Variants in SLC4A4 observed in about 807,000 individuals in gnomAD.
The protein encoded by SLC4A4 is electrogenic sodium bicarbonate cotransporter 1.
A neutral mutation model predicts 111.5 loss-of-function variants in SLC4A4; 27 were observed. The observed-to-expected ratio is 0.24, with a 90% CI of 0.18 to 0.33. SLC4A4 has a LOEUF of 0.33. SLC4A4 is among the 10% of genes least tolerant of loss of function. The pLI is 1.00. For missense variants in SLC4A4, 909 were observed against 1,315.5 expected (o/e 0.69, Z 4.78); for synonymous variants, 443 against 463.4 (o/e 0.96, Z 0.57).
chr4:71,218,137 G>A (rs528451463), intron 1 of SLC4A4, among the ~76,000 whole-genome samples: 2 of 152,356 alleles, frequency 1.3e-5, no homozygotes, highest in African/African-American at 4.8e-5. Flanking sequence ...GAAGGGAGAT[G>A]TCATGATACT....
intron 3 of SLC4A4, among the ~76,000 whole-genome samples, chr4:71,293,175 C>A (rs1019892778): frequency 1.5e-4 from 22 of 151,566 alleles, no homozygotes; most frequent in African/African-American, 4.6e-4. Context: ...CCTGCCAAGG[C>A]AAAATATGAA....
chr4:71,449,680 G>T (rs1483886962), intron 9 of SLC4A4, among the ~76,000 whole-genome samples: 2 of 152,178 alleles, frequency 1.3e-5, no homozygotes, highest in African/African-American at 4.8e-5. Context: ...AAAGACTTAG[G>T]TTATATGTAA....
intron 12 of SLC4A4, among the ~76,000 whole-genome samples, chr4:71,464,285 T>C (rs185740444): frequency 1.8e-4 from 28 of 152,322 alleles, no homozygotes; most frequent in Non-Finnish European, 3.1e-4. Context: ...TGTGAATTTG[T>C]TCATATCACT....
chr4:71,553,646 T>G (rs1368728967), intron 20 of SLC4A4, among the ~76,000 whole-genome samples: 1 of 151,838 alleles, frequency 6.6e-6, no homozygotes, highest in Admixed American at 6.6e-5. Flanking sequence ...GGGAGATGTT[T>G]AAAAAATGAA....
intron 2 of SLC4A4, among the ~76,000 whole-genome samples, chr4:71,254,658 A>G (rs573616217): frequency 4.8e-4 from 73 of 152,210 alleles, no homozygotes; most frequent in African/African-American, 1.6e-3. Flanking sequence ...AGGTAAAAAA[A>G]AAAAAAAGTT....
At chr4:71,494,800 G>A (rs940522183) in intron 15 of SLC4A4, among the ~76,000 whole-genome samples, 1 of 152,002 alleles carries the variant, frequency 6.6e-6, no homozygotes, top group Non-Finnish European at 1.5e-5. Context: ...TGAACATCAG[G>A]TGTAGCAGTG....
chr4:71,460,930 A>C (rs145858662), intron 12 of SLC4A4, among the ~76,000 whole-genome samples: 4 of 152,212 alleles, frequency 2.6e-5, no homozygotes, highest in African/African-American at 9.6e-5. Flanking sequence ...TTTGCTTTAG[A>C]TACTTGAATC....
chr4:71,571,629 T>G lies in SLC4A4; in HGVS notation c.*3878T>G, dbSNP rs1163454635. 6.6e-6 allele frequency: 1 copy of G among 152,310 alleles called. No individual in the cohort carries two copies. Among genetic ancestry groups the G allele is most frequent in the Non-Finnish European group, 1.5e-5 (1 of 67,876 alleles). The allele number at this position is 152,310 out of a possible 1,614,324, so 9.4% of individuals were successfully genotyped here. A position where few individuals can be genotyped will look rare whatever the true frequency, so the allele number is the denominator to read the frequency against. ...CTAGGCAAACATTGCAACTCAGGGC[T>G]AAAGTCATCCAGTGAAACTTTTAGA... is the stretch of plus-strand genomic sequence containing the variant. On this transcript the variant is annotated 3_prime_UTR_variant, in exon 26 of 26. Transcript: ENST00000264485.
At chr4:71,388,019 C>T (rs1021433757) in intron 6 of SLC4A4, among the ~76,000 whole-genome samples, 1 of 152,160 alleles carries the variant, frequency 6.6e-6, no homozygotes, top group Non-Finnish European at 1.5e-5. Flanking sequence ...GAAAATCACT[C>T]TGGGTCAGTG....
Position 71,150,259 on chromosome 4 carries a change from G to A in SLC4A4, c.-2+57467G>A, listed in dbSNP as rs889553605. On this transcript the variant is annotated intron_variant, in intron 2 of 26. Transcript: ENST00000649996. ...ACAGAGTATCTGGAAACAGAAATTT[G>A]GGTTTGGCTGAAGGTGGAATGGGTG... Among the ~76,000 whole-genome samples, 4 of 152,056 alleles carry A rather than the reference G, an allele frequency of 2.6e-5. No individual in the cohort carries two copies. In the East Asian group the frequency reaches 7.7e-4, roughly 29 times the overall value.
chr4:71,499,364 G>T (rs573399779), intron 16 of SLC4A4, among the ~76,000 whole-genome samples: 1 of 152,082 alleles, frequency 6.6e-6, no homozygotes, highest in Non-Finnish European at 1.5e-5. Context: ...GGAGTACAAT[G>T]TGACATATGT....
At chr4:71,494,239 T>C (rs143297826) in intron 15 of SLC4A4, among the ~76,000 whole-genome samples, 68 of 152,178 alleles carry the variant, frequency 4.5e-4, no homozygotes, top group African/African-American at 1.6e-3. Flanking sequence ...ACACGCATCG[T>C]AAGGAAAACA....
intron 2 of SLC4A4, among the ~76,000 whole-genome samples, chr4:71,146,571 G>T (rs978716458): frequency 6.6e-6 from 1 of 152,132 alleles, no homozygotes; most frequent in Admixed American, 6.5e-5. Flanking sequence ...CATTATTATT[G>T]TGTGGGAGTC....
chr4:71,267,832 A>G (rs1285551709), intron 3 of SLC4A4, among the ~76,000 whole-genome samples: 6 of 149,964 alleles, frequency 4.0e-5, no homozygotes, highest in Admixed American at 2.0e-4. Context: ...AACGAAACGT[A>G]CCAATTTCAG....
In SLC4A4 at chr4:71,231,680, T is replaced by A. The variant is rs966757031; in HGVS notation, c.-1-4896T>A. 4.8e-4 allele frequency among the ~76,000 whole-genome samples: 73 copies of A among 152,176 alleles called. 2 individuals are homozygous for A. Among genetic ancestry groups the A allele is most frequent in the Non-Finnish European group, 8.8e-5 (6 of 68,028 alleles). ...AGAAGCTTCCAAATCTATTCTGAAC[T>A]TTGCCTCATGCTGGTGATGTGAGCA... On this transcript the variant is annotated intron_variant, in intron 1 of 25. Transcript: ENST00000264485.
At chr4:71,468,686 A>G (rs1727603936) in intron 13 of SLC4A4, among the ~76,000 whole-genome samples, 2 of 150,736 alleles carry the variant, frequency 1.3e-5, no homozygotes, top group African/African-American at 4.9e-5. Context: ...GTAGATCACT[A>G]TTTCCAAAAG....
Position 71,427,561 on chromosome 4 carries a change from C to T in SLC4A4, c.808-13055C>T, listed in dbSNP as rs542432905. On this transcript the variant is annotated intron_variant, in intron 7 of 25. Transcript: ENST00000264485. ...TATTTCTAATTTCTGTTTTTACCCC[C>T]TCTTGGGATTCCAGTCATTTGATCT... Among the ~76,000 whole-genome samples the T allele has an allele frequency of 2.0e-5, 3 of 152,146 alleles. No individual in the cohort carries two copies. In the South Asian group the frequency reaches 6.2e-4, roughly 32 times the overall value.
chr4:71,458,948 A>C (rs1426017863), intron 12 of SLC4A4, among the ~76,000 whole-genome samples: 2 of 152,050 alleles, frequency 1.3e-5, no homozygotes, highest in African/African-American at 4.8e-5. Flanking sequence ...AGTTAGGTAG[A>C]GATTGTCTGT....
At chr4:71,309,447 C>T (rs1483615356) in intron 3 of SLC4A4, among the ~76,000 whole-genome samples, 1 of 152,138 alleles carries the variant, frequency 6.6e-6, no homozygotes, top group Non-Finnish European at 1.5e-5. Flanking sequence ...GACCTCCCAA[C>T]AGGGGTTGAC....
Sources: allele counts gnomAD v4.1 joint callset (sites outside exome capture counted in the v4.1 genomes callset), GRCh38; gene constraint gnomAD v4.1.1; transcripts MANE v1.5; gene names NCBI Gene and HGNC (gene_info 2026-07-23, HGNC 2026-07-21).